The following SAMTOR variants were observed in gnomAD, a reference collection of about 807,000 sequenced individuals.
The protein encoded by SAMTOR is UPF0532 protein C7orf60.
At chr7:112,890,373 C>A in the SAMTOR span, among the ~76,000 whole-genome samples, 12 of 148,708 alleles carry the variant, frequency 8.1e-5, no homozygotes, top group Non-Finnish European at 1.6e-4. Context: ...CCCCCCCCAC[C>A]TCTGAAAAAA....
the SAMTOR span, chr7:112,895,665 G>T: frequency 6.3e-7 from 1 of 1,592,732 alleles, no homozygotes; most frequent in Non-Finnish European, 8.6e-7. Context: ...GGTCTTAGTG[G>T]CAAGTACAGC....
chr7:112,858,802 T>C, the SAMTOR span, among the ~76,000 whole-genome samples: 1 of 152,212 alleles, frequency 6.6e-6, no homozygotes, highest in Non-Finnish European at 1.5e-5. Context: ...TCAGAACTTC[T>C]ATTTATCTGT....
chr7:112,927,574 C>T, the SAMTOR span, among the ~76,000 whole-genome samples: 50 of 151,910 alleles, frequency 3.3e-4, no homozygotes, highest in Middle Eastern at 3.4e-3. Context: ...ATACATGTGT[C>T]TTAAAGTAAA....
At chr7:112,873,764 A>T in the SAMTOR span, among the ~76,000 whole-genome samples, 1 of 152,160 alleles carries the variant, frequency 6.6e-6, no homozygotes, top group Non-Finnish European at 1.5e-5. Context: ...AACTATCAAT[A>T]AACAGACAAC....
the SAMTOR span, among the ~76,000 whole-genome samples, chr7:112,865,288 C>CT: frequency 1.6e-4 from 24 of 151,080 alleles, no homozygotes; most frequent in Non-Finnish European, 2.4e-4. Flanking sequence ...CCATCTCTCT[C>CT]TTTTTTTTGA....
chr7:112,921,964 C>CCG, the SAMTOR span, among the ~76,000 whole-genome samples: 12 of 151,616 alleles, frequency 7.9e-5, no homozygotes, highest in African/African-American at 2.7e-4. Context: ...TCTCCCTCTC[C>CCG]CTCTCCCGCT....
chr7:112,872,044 C>T, the SAMTOR span, among the ~76,000 whole-genome samples: 7 of 152,024 alleles, frequency 4.6e-5, no homozygotes. Flanking sequence ...ACCAGAAGCA[C>T]AAAAAATAAC....
At chr7:112,912,447 A>G in the SAMTOR span, among the ~76,000 whole-genome samples, 3 of 151,998 alleles carry the variant, frequency 2.0e-5, no homozygotes, top group South Asian at 2.1e-4. Flanking sequence ...ACATATTCCC[A>G]TAAGTTTTAA....
At chr7:112,876,190 C>T in the SAMTOR span, among the ~76,000 whole-genome samples, 1 of 152,052 alleles carries the variant, frequency 6.6e-6, no homozygotes, top group Non-Finnish European at 1.5e-5. Flanking sequence ...AAACTCCCGG[C>T]CTCAAGCGAT....
chr7:112,862,320 G>C, the SAMTOR span, among the ~76,000 whole-genome samples: 1 of 151,986 alleles, frequency 6.6e-6, no homozygotes, highest in Non-Finnish European at 1.5e-5. Context: ...AGAAAACAGA[G>C]GATTATTAAT....
the SAMTOR span, among the ~76,000 whole-genome samples, chr7:112,915,929 T>G: frequency 6.6e-6 from 1 of 152,228 alleles, no homozygotes; most frequent in Non-Finnish European, 1.5e-5. Context: ...TGTGTCTCTA[T>G]TGACTGTTAT....
chr7:112,898,904 T>C, the SAMTOR span, among the ~76,000 whole-genome samples: 1 of 152,238 alleles, frequency 6.6e-6, no homozygotes, highest in Admixed American at 6.5e-5. Context: ...ATGGTTACAG[T>C]GACCACAGGC....
At chr7:112,860,781 G>A in the SAMTOR span, among the ~76,000 whole-genome samples, 5 of 151,768 alleles carry the variant, frequency 3.3e-5, no homozygotes, top group African/African-American at 4.8e-5. Flanking sequence ...GCATGGTGGC[G>A]GGCGCTTGTA....
the SAMTOR span, chr7:112,895,847 T>C: frequency 8.7e-6 from 6 of 685,786 alleles, no homozygotes; most frequent in Non-Finnish European, 1.3e-5. Flanking sequence ...AAATTTAAGA[T>C]TTCTGCTTTG....
At chr7:112,846,866 C>T in the SAMTOR span, among the ~76,000 whole-genome samples, 2 of 152,074 alleles carry the variant, frequency 1.3e-5, no homozygotes, top group Admixed American at 1.3e-4. Context: ...ATAGTTAATA[C>T]CTAATATAAA....
chr7:112,881,002 C>T, the SAMTOR span, among the ~76,000 whole-genome samples: 26 of 151,988 alleles, frequency 1.7e-4, no homozygotes, highest in Admixed American at 3.9e-4. Context: ...CCCTCCTGGG[C>T]GCAGCTGTTC....
At chr7:112,856,780 G>T in the SAMTOR span, among the ~76,000 whole-genome samples, 1 of 152,028 alleles carries the variant, frequency 6.6e-6, no homozygotes, top group Non-Finnish European at 1.5e-5. Context: ...ATTTAAATGA[G>T]TATCTCCTAA....
the SAMTOR span, among the ~76,000 whole-genome samples, chr7:112,844,426 C>A: frequency 1.3e-5 from 2 of 152,184 alleles, no homozygotes; most frequent in East Asian, 1.9e-4. Flanking sequence ...ACAACTCAAG[C>A]AAAGTTTCAG....
At chr7:112,849,787 G>A in the SAMTOR span, among the ~76,000 whole-genome samples, 304 of 152,300 alleles carry the variant, frequency 2.0e-3, 2 homozygotes, top group African/African-American at 7.0e-3. Context: ...TGCCTAGTTT[G>A]TTGAGGGGTT....
Sources: gnomAD v4.1 joint callset for allele counts (sites outside exome capture counted in the v4.1 genomes callset) on GRCh38, gnomAD v4.1.1 for gene constraint, MANE v1.5 for transcripts, NCBI Gene and HGNC (gene_info 2026-07-23, HGNC 2026-07-21) for gene names.